ZC3H12C: variants seen among roughly 807,000 people sequenced by gnomAD.
ZC3H12C encodes the protein probable ribonuclease ZC3H12C.
Under a neutral mutation model 76.3 loss-of-function variants are expected in ZC3H12C, and 20 were observed. That is an observed-to-expected ratio of 0.26 (90% CI 0.18 to 0.38). The LOEUF (loss-of-function observed/expected upper bound fraction) is 0.38. Ranked by LOEUF, ZC3H12C falls within the 10% of genes least tolerant of loss-of-function variation. The pLI is 1.00. For missense variants in ZC3H12C, 874 were observed against 1,086.5 expected (o/e 0.80, Z 2.75); for synonymous variants, 352 against 399.6 (o/e 0.88, Z 1.42).
chr11:110,151,835 G>A (rs1185561157), intron 2 of ZC3H12C, among the ~76,000 whole-genome samples: 7 of 151,946 alleles, frequency 4.6e-5, no homozygotes, highest in East Asian at 1.9e-4. Flanking sequence ...TGGAGCCTTC[G>A]ACATCTACAA....
chr11:110,159,109 T>C, intron 3 of ZC3H12C, 147 bp from the exon 4 acceptor site: 2 of 626,550 alleles, frequency 3.2e-6, no homozygotes, highest in Non-Finnish European at 5.5e-6. Flanking sequence ...TTGGAAATGA[T>C]GCTGTATCTA....
intron 1 of ZC3H12C, among the ~76,000 whole-genome samples, chr11:110,120,953 CTG>C (rs1409306703): frequency 6.6e-6 from 1 of 152,110 alleles, no homozygotes; most frequent in South Asian, 2.1e-4. Context: ...ACAGGTGAAA[CTG>C]TGGAGAAAAG....
At chr11:110,136,461 T>G (rs1036983705) in intron 1 of ZC3H12C, 5 of 570,452 alleles carry the variant, frequency 8.8e-6, no homozygotes, top group African/African-American at 5.6e-5. Flanking sequence ...TTGGAGGAAT[T>G]ACATGGCCTT....
chr11:110,124,784 G>A (rs1861710518), intron 1 of ZC3H12C, among the ~76,000 whole-genome samples: 1 of 151,046 alleles, frequency 6.6e-6, no homozygotes, highest in Non-Finnish European at 1.5e-5. Context: ...AAACAAAGCA[G>A]AGGACCAGAG....
chr11:110,150,561 A>G (rs1271793070), intron 2 of ZC3H12C, among the ~76,000 whole-genome samples: 1 of 152,086 alleles, frequency 6.6e-6, no homozygotes, highest in Non-Finnish European at 1.5e-5. Context: ...CAGATTCCTG[A>G]TATCTGTTGA....
chr11:110,119,058 T>A (rs1861609554), intron 1 of ZC3H12C, among the ~76,000 whole-genome samples: 5 of 152,012 alleles, frequency 3.3e-5, no homozygotes, highest in Admixed American at 3.3e-4. Context: ...ATAACCAGGA[T>A]AAGAATATGA....
chr11:110,139,663 G>A (rs1862033386), intron 2 of ZC3H12C, among the ~76,000 whole-genome samples: 1 of 152,070 alleles, frequency 6.6e-6, no homozygotes, highest in Non-Finnish European at 1.5e-5. Context: ...TTACCTTAGT[G>A]ATATTAAGAC....
In ZC3H12C at chr11:110,136,357, G is replaced by C. The variant is rs994621710; in HGVS notation, c.22-306G>C. The C allele has an allele frequency of 4.5e-5, 11 of 246,976 alleles. No individual in the cohort carries two copies. In the South Asian group the frequency reaches 9.4e-4, roughly 21 times the overall value. The allele number at this position is 246,976 out of a possible 1,614,324, so 15.3% of individuals were successfully genotyped here. A position where few individuals can be genotyped will look rare whatever the true frequency, so the allele number is the denominator to read the frequency against. ...GAAAAATCTGATCCATCGAGATTGA[G>C]AAGGAGCATGATATAGTGGGAAAAG... On this transcript the variant is annotated intron_variant, in intron 1 of 5. Transcript: ENST00000278590.
chr11:110,161,385 A>G (rs1862479054), intron 4 of ZC3H12C, among the ~76,000 whole-genome samples: 1 of 152,202 alleles, frequency 6.6e-6, no homozygotes. Context: ...AAGTTCTTAT[A>G]GTAATGTAAG....
intron 1 of ZC3H12C, among the ~76,000 whole-genome samples, chr11:110,103,996 CTTTT>C (rs768000382): frequency 2.3e-5 from 3 of 127,720 alleles, no homozygotes; most frequent in Admixed American, 7.8e-5. Flanking sequence ...GGAAACAATT[CTTTT>C]TTTTTTTTTT....
intron 1 of ZC3H12C, among the ~76,000 whole-genome samples, chr11:110,099,138 C>T (rs1376013390): frequency 6.6e-6 from 1 of 152,096 alleles, no homozygotes; most frequent in African/African-American, 2.4e-5. Context: ...TCTACTATTT[C>T]AGTTAGACAT....
intron 1 of ZC3H12C, among the ~76,000 whole-genome samples, chr11:110,111,066 A>G (rs576236432): frequency 3.9e-5 from 6 of 152,284 alleles, no homozygotes; most frequent in African/African-American, 1.2e-4. Flanking sequence ...GTGCTGTGAT[A>G]GCACCTGAGT....
chr11:110,121,361 C>T (rs948581767), intron 1 of ZC3H12C, among the ~76,000 whole-genome samples: 10 of 152,138 alleles, frequency 6.6e-5, no homozygotes, highest in African/African-American at 2.2e-4. Context: ...ATCCCGGCCC[C>T]GTTAGAGCTA....
At chr11:110,119,038 A>G (rs761650572) in intron 1 of ZC3H12C, among the ~76,000 whole-genome samples, 1 of 152,086 alleles carries the variant, frequency 6.6e-6, no homozygotes, top group Non-Finnish European at 1.5e-5. Context: ...GGAAGCATGC[A>G]CGTGCAAAAA....
chr11:110,142,125 G>T (rs1348187071), intron 2 of ZC3H12C, among the ~76,000 whole-genome samples: 1 of 152,134 alleles, frequency 6.6e-6, no homozygotes, highest in Non-Finnish European at 1.5e-5. Context: ...AAGAATCAAA[G>T]AATCAGAGCT....
At chr11:110,138,236 GAT>G (rs34672132) in intron 2 of ZC3H12C, among the ~76,000 whole-genome samples, 73,111 of 151,764 alleles carry the variant, frequency 0.48, 17,888 homozygotes, top group East Asian at 0.72. Flanking sequence ...AAGATAAAAA[GAT>G]ATGTGTATAA....
intron 2 of ZC3H12C, among the ~76,000 whole-genome samples, chr11:110,145,793 C>A (rs1395408787): frequency 6.6e-6 from 1 of 152,124 alleles, no homozygotes; most frequent in Non-Finnish European, 1.5e-5. Context: ...CTCCTAGAAT[C>A]TTCCAAATAC....
rs549147999 is a variant in ZC3H12C, at chr11:110,133,575, C to T, written c.22-3088C>T. Among the ~76,000 whole-genome samples, 4 of 152,148 alleles carry T rather than the reference C, an allele frequency of 2.6e-5. No individual in the cohort carries two copies. The South Asian group carries it at 8.3e-4, about 32-fold the overall frequency. ...TTTATCCTTAGCATTAAAAAGTCAACCTAATTATTGTAAACTTTTTACTTA... is the reference window on the plus strand; with the variant it reads ...TTTATCCTTAGCATTAAAAAGTCAATCTAATTATTGTAAACTTTTTACTTA... On this transcript the variant is annotated intron_variant, in intron 1 of 5. Coordinates refer to ENST00000278590, the MANE Select transcript of ZC3H12C (RefSeq NM_033390.2).
chr11:110,097,289 C>T (rs979038355), intron 1 of ZC3H12C, among the ~76,000 whole-genome samples: 9 of 152,222 alleles, frequency 5.9e-5, no homozygotes, highest in Non-Finnish European at 1.0e-4. Flanking sequence ...TGAAGCAGAG[C>T]TCATAAGCAG....
Sources: gnomAD v4.1 joint callset for allele counts (sites outside exome capture counted in the v4.1 genomes callset) on GRCh38, gnomAD v4.1.1 for gene constraint, MANE v1.5 for transcripts, NCBI Gene and HGNC (gene_info 2026-07-23, HGNC 2026-07-21) for gene names.